GLRA2: variants seen among roughly 807,000 people sequenced by gnomAD.
GLRA2 encodes the protein glycine receptor alpha 2.
A neutral mutation model predicts 31.6 loss-of-function variants in GLRA2; 11 were observed. The observed-to-expected ratio is 0.35, with a 90% CI of 0.22 to 0.58. GLRA2 has a LOEUF of 0.58. Ranked by LOEUF, GLRA2 falls within the 20% of genes least tolerant of loss-of-function variation. The pLI is 0.84. For synonymous variants in GLRA2, 132 were observed against 134.0 expected (o/e 0.99, Z 0.10); for missense variants, 212 against 351.8 (o/e 0.60, Z 3.18).
intron 2 of GLRA2, among the ~76,000 whole-genome samples, chrX:14,567,011 C>A (rs7889706): frequency 9.1e-6 from 1 of 109,300 alleles, no homozygotes; most frequent in Non-Finnish European, 1.9e-5. Context: ...GTTGTGGTTG[C>A]GTCATTAAAG....
chrX:14,493,916 C>T, the GLRA2 span, among the ~76,000 whole-genome samples: 1 of 108,150 alleles, frequency 9.2e-6, no homozygotes, highest in Non-Finnish European at 1.9e-5. Context: ...ACTCACAATA[C>T]TTTAAAAACT....
rs73199691 is a variant in GLRA2, at chrX:14,709,815, C to T, written c.1080+18956C>T. ...GAGAGAAGCAATAGGAAAGTGCCTC[C>T]TGATGGTTTACAGTGTTCACCTGCT... On this transcript the variant is annotated intron_variant, in intron 8 of 8. Coordinates refer to ENST00000218075, the MANE Select transcript of GLRA2 (RefSeq NM_002063.4). Among the ~76,000 whole-genome samples the T allele has an allele frequency of 5.2e-3, 577 of 112,031 alleles. 2 individuals are homozygous for T. The highest frequency in any genetic ancestry group is 8.1e-3 in the Non-Finnish European group (432 of 53,209).
chrX:14,723,727 G>A (rs1432554910), intron 8 of GLRA2, among the ~76,000 whole-genome samples: 2 of 111,343 alleles, frequency 1.8e-5, no homozygotes, highest in Non-Finnish European at 3.8e-5. Flanking sequence ...GCCAAACCCT[G>A]CCTTCACCTC....
intron 2 of GLRA2, among the ~76,000 whole-genome samples, chrX:14,570,269 TAC>T (rs756545385): frequency 8.9e-6 from 1 of 112,316 alleles, no homozygotes; most frequent in South Asian, 3.6e-4. Context: ...TAATACATAA[TAC>T]ACACACATAT....
At chrX:14,555,304 C>A (rs2089627683) in intron 2 of GLRA2, among the ~76,000 whole-genome samples, 1 of 111,747 alleles carries the variant, frequency 8.9e-6, no homozygotes, top group African/African-American at 3.3e-5. Context: ...TCAGTTCTCC[C>A]AATGAACTTG....
At chrX:14,473,288 G>T in the GLRA2 span, among the ~76,000 whole-genome samples, 1 of 111,603 alleles carries the variant, frequency 9.0e-6, no homozygotes, top group South Asian at 3.8e-4. Flanking sequence ...TCAGGATGTG[G>T]TTTAAAAAGA....
chrX:14,708,550 C>T (rs1370796498), intron 8 of GLRA2, among the ~76,000 whole-genome samples: 1 of 111,943 alleles, frequency 8.9e-6, no homozygotes, highest in Non-Finnish European at 1.9e-5. Context: ...CCAGTGGGCT[C>T]ATCACTCCGT....
the GLRA2 span, among the ~76,000 whole-genome samples, chrX:14,453,868 T>A: frequency 2.7e-5 from 3 of 111,750 alleles, no homozygotes; most frequent in African/African-American, 9.8e-5. Flanking sequence ...ATAAAAAGAA[T>A]ATGCAATTGA....
intron 7 of GLRA2, among the ~76,000 whole-genome samples, chrX:14,681,910 A>AAAAAAAAAAATATATATAT (rs758563376): frequency 2.4e-5 from 1 of 41,294 alleles, no homozygotes; most frequent in African/African-American, 1.2e-4. Flanking sequence ...AAAAAAAAAA[A>AAAAAAAAAAATATATATAT]ATATATATAT....
At chrX:14,574,143 C>T (rs937463867) in intron 2 of GLRA2, among the ~76,000 whole-genome samples, 190 bp from the exon 3 acceptor site, 1 of 112,142 alleles carries the variant, frequency 8.9e-6, no homozygotes, top group Non-Finnish European at 1.9e-5. Flanking sequence ...GGTAAGTTGC[C>T]ATTGCTTAAC....
chrX:14,678,583 T>C (rs1418768991), intron 7 of GLRA2, among the ~76,000 whole-genome samples: 1 of 111,550 alleles, frequency 9.0e-6, no homozygotes, highest in Non-Finnish European at 1.9e-5. Flanking sequence ...ACCAGGTTGC[T>C]AGTGAGAAGA....
the GLRA2 span, among the ~76,000 whole-genome samples, chrX:14,486,698 C>T: frequency 9.0e-6 from 1 of 111,419 alleles, no homozygotes; most frequent in East Asian, 2.8e-4. Context: ...ATAATTATTG[C>T]CAGAATATGG....
intron 7 of GLRA2, among the ~76,000 whole-genome samples, chrX:14,610,165 C>T (rs1055254487): frequency 6.3e-5 from 7 of 111,661 alleles, no homozygotes; most frequent in Non-Finnish European, 1.1e-4. Context: ...AATGCATTTC[C>T]GGAAAATAAT....
At chrX:14,519,138 A>G in the GLRA2 span, among the ~76,000 whole-genome samples, 13 of 109,156 alleles carry the variant, frequency 1.2e-4, no homozygotes, top group Admixed American at 3.0e-4. Context: ...TTATTATTAT[A>G]TATAATTTAT....
chrX:14,503,273 T>C, the GLRA2 span, among the ~76,000 whole-genome samples: 5 of 111,334 alleles, frequency 4.5e-5, no homozygotes, highest in African/African-American at 1.6e-4. Flanking sequence ...AGGGACTTAA[T>C]GAGTGACCTG....
chrX:14,656,103 A>G (rs765987647), intron 7 of GLRA2, among the ~76,000 whole-genome samples: 3 of 111,361 alleles, frequency 2.7e-5, no homozygotes, highest in Non-Finnish European at 5.7e-5. Context: ...TGCATATTAC[A>G]ATTTGAAATA....
chrX:14,692,491 T>C (rs762000724), intron 8 of GLRA2, among the ~76,000 whole-genome samples: 1 of 112,171 alleles, frequency 8.9e-6, no homozygotes, highest in South Asian at 3.7e-4. Context: ...CAACAACTTC[T>C]TTTACATATG....
intron 2 of GLRA2, among the ~76,000 whole-genome samples, chrX:14,559,082 C>T (rs1159201812): frequency 8.9e-6 from 1 of 111,913 alleles, no homozygotes; most frequent in Non-Finnish European, 1.9e-5. Flanking sequence ...ACCTCTGCCT[C>T]TCAAAGTGCT....
the GLRA2 span, among the ~76,000 whole-genome samples, chrX:14,450,501 A>C: frequency 8.9e-6 from 1 of 111,733 alleles, no homozygotes; most frequent in South Asian, 3.8e-4. Flanking sequence ...TCCCTAGATC[A>C]CCATTCTATA....
Sources: gnomAD v4.1 joint callset for allele counts (sites outside exome capture counted in the v4.1 genomes callset) on GRCh38, gnomAD v4.1.1 for gene constraint, MANE v1.5 for transcripts, NCBI Gene and HGNC (gene_info 2026-07-23, HGNC 2026-07-21) for gene names.